DNAJC17: variants seen among roughly 807,000 people sequenced by gnomAD.
DNAJC17 encodes the protein DnaJ heat shock protein family (Hsp40) member C17, also known as dnaJ homolog subfamily C member 17.
In DNAJC17, 35 loss-of-function variants were observed where a neutral mutation model predicts 48.1. The ratio of observed to expected loss-of-function variants is 0.73; its 90% CI spans 0.56 to 0.96. The LOEUF (loss-of-function observed/expected upper bound fraction) is 0.96. DNAJC17 is among the 50% of genes least tolerant of loss of function. The pLI, the probability that DNAJC17 is intolerant of heterozygous loss-of-function variation, is 0.00. For synonymous variants in DNAJC17, 117 were observed against 142.7 expected, an observed-to-expected ratio of 0.82 and a Z score of 1.28; for missense variants, 355 against 377.1, an observed-to-expected ratio of 0.94 and a Z score of 0.48.
At chr15:40,801,398 C>T (rs28727420) in intron 1 of DNAJC17, among the ~76,000 whole-genome samples, 7,745 of 152,124 alleles carry the variant, frequency 0.051, 670 homozygotes, top group African/African-American at 0.18. Context: ...TAAAAGCAAC[C>T]CAGATTAGCA....
In DNAJC17 at chr15:40,770,833, C is replaced by G. The variant is rs1004542929; in HGVS notation, c.793-2771G>C. On this transcript the variant is annotated intron_variant, in intron 10 of 10. Transcript: ENST00000220496. The surrounding 1 kb of genome is among the most constrained non-coding windows in gnomAD (Gnocchi z 5.0). ...GCCTACTCTGCCACCCTGCCATCGG[C>G]GCTCTCTCTGTCGAGTGCCCTCCAC... is the stretch of plus-strand genomic sequence containing the variant. The G allele has an allele frequency of 5.8e-6, 9 of 1,551,320 alleles. No individual in the cohort carries two copies. Among genetic ancestry groups the G allele is most frequent in the Admixed American group, 2.0e-5 (1 of 51,012 alleles).
intron 1 of DNAJC17, among the ~76,000 whole-genome samples, chr15:40,794,849 CTG>C (rs1889907450): frequency 6.6e-6 from 1 of 151,944 alleles, no homozygotes; most frequent in Non-Finnish European, 1.5e-5. Flanking sequence ...TCCTGAGTAG[CTG>C]GGATTATAGG....
Position 40,770,750 on chromosome 15 carries a change from C to A in DNAJC17, c.793-2688G>T. 1 of 1,545,802 alleles carries A rather than the reference C, an allele frequency of 6.5e-7. No homozygotes were observed. ...TGGCCCCACCCAAGCCCCCACGCCT[C>A]TACCGAGAGAGCTCAAGCTGCCCCA... On this transcript the variant is annotated intron_variant, in intron 10 of 10. Coordinates refer to ENST00000220496, the MANE Select transcript of DNAJC17 (RefSeq NM_018163.3). The surrounding 1 kb of genome is among the most constrained non-coding windows in gnomAD (Gnocchi z 5.0).
chr15:40,789,017 T>C (rs149466160), intron 1 of DNAJC17, among the ~76,000 whole-genome samples: 148 of 152,238 alleles, frequency 9.7e-4, no homozygotes, highest in Non-Finnish European at 1.7e-3. Context: ...CTCCCAAGGC[T>C]TGGCACAAGC....
intron 1 of DNAJC17, among the ~76,000 whole-genome samples, chr15:40,794,694 C>T (rs996449199): frequency 6.6e-6 from 1 of 152,030 alleles, no homozygotes; most frequent in Non-Finnish European, 1.5e-5. Context: ...AAAATAAAAA[C>T]GGTTACTCTC....
rs545841512 is a variant in DNAJC17 at position 40,779,777 on chromosome 15, C to T, written c.148+151G>A. On this transcript the variant is annotated intron_variant, in intron 2 of 10. Coordinates refer to ENST00000220496, the MANE Select transcript of DNAJC17 (RefSeq NM_018163.3). ...AGCATATCAGCAACTGACCAGACAC[C>T]CCTCACAGGAGGGAAGCCCTGGGAC... is the stretch of plus-strand genomic sequence containing the variant. 1.6e-4 allele frequency: 176 copies of T among 1,098,470 alleles called. No homozygotes were observed. In the African/African-American group the frequency reaches 2.5e-3, roughly 16 times the overall value. The allele number at this position is 1,098,470 out of a possible 1,614,324, so 68.0% of individuals were successfully genotyped here. A position where few individuals can be genotyped will look rare whatever the true frequency, so the allele number is the denominator to read the frequency against.
rs561620947 is a variant in DNAJC17, at chr15:40,781,018, A to G, written c.79-1021T>C. 3.4e-5 allele frequency among the ~76,000 whole-genome samples: 5 copies of G among 149,238 alleles called. 1 individual carries two copies. The highest frequency in any genetic ancestry group is 1.2e-4 in the African/African-American group (5 of 40,362). On this transcript the variant is annotated intron_variant, in intron 1 of 10. Coordinates refer to ENST00000220496, the MANE Select transcript of DNAJC17 (RefSeq NM_018163.3). ...AAAAATTAGCTGGGTGTGATGACAT[A>G]TTCCCCTGTAATCCCCCTACTTGGG...
Position 40,770,632 on chromosome 15 carries a change from ACAGCAACCGAGAAGT to A in DNAJC17, c.793-2585_793-2571del. On this transcript the variant is annotated intron_variant, in intron 10 of 10. Transcript: ENST00000220496. The surrounding 1 kb of genome is among the most constrained non-coding windows in gnomAD (Gnocchi z 5.0). ...ACAGCAGGTGGGGACCACGAGGAGT[ACAGCAACCGAGAAGT>A]CATCCGGGAGCTACAAGGGAGGCCA... 3 of 1,550,468 alleles carry A rather than the reference ACAGCAACCGAGAAGT, an allele frequency of 1.9e-6. No individual in the cohort carries two copies. The highest frequency in any genetic ancestry group is 2.6e-6 in the Non-Finnish European group (3 of 1,146,956).
chr15:40,790,473 G>T (rs1261445324), intron 1 of DNAJC17, among the ~76,000 whole-genome samples: 1 of 152,156 alleles, frequency 6.6e-6, no homozygotes, highest in African/African-American at 2.4e-5. Context: ...CAGCTACTTG[G>T]GAAGCTGAGG....
chr15:40,769,612 G>T lies in DNAJC17; in HGVS notation c.793-1550C>A, dbSNP rs776457977. ...CTCGTGAGGGCCTGACAGCGGGGCT[G>T]AGTCACCCATACCAGCTACAGGTCT... On this transcript the variant is annotated intron_variant, in intron 10 of 10. Transcript: ENST00000220496. The surrounding 1 kb of genome is among the most constrained non-coding windows in gnomAD (Gnocchi z 4.2). 1.7e-4 allele frequency among the ~76,000 whole-genome samples: 26 copies of T among 152,218 alleles called. No homozygotes were observed. Among genetic ancestry groups the T allele is most frequent in the Non-Finnish European group, 3.7e-4 (25 of 68,040 alleles).
At chr15:40,776,146 C>A (rs768789272) in intron 6 of DNAJC17, 50 bp downstream of exon 6, 1 of 1,579,046 alleles carries the variant, frequency 6.3e-7, no homozygotes, top group Non-Finnish European at 8.7e-7. Context: ...CCGCTCTGAG[C>A]AATCTGGAGC....
intron 1 of DNAJC17, among the ~76,000 whole-genome samples, chr15:40,787,707 T>G (rs540654174): frequency 1.6e-4 from 24 of 152,238 alleles, no homozygotes; most frequent in African/African-American, 5.1e-4. Flanking sequence ...GGCTGGAAGC[T>G]GGGTCTCTAG....
At chr15:40,774,901 G>T in intron 8 of DNAJC17, 130 bp downstream of exon 8, 1 of 937,832 alleles carries the variant, frequency 1.1e-6, no homozygotes, top group Non-Finnish European at 1.6e-6. Flanking sequence ...ACGTCCCATG[G>T]TCTATGAGAC....
intron 1 of DNAJC17, among the ~76,000 whole-genome samples, chr15:40,804,846 A>C (rs764716714): frequency 3.3e-5 from 5 of 152,146 alleles, no homozygotes; most frequent in Non-Finnish European, 7.4e-5. Context: ...TGATAAAAAC[A>C]CAAAAATTAG....
intron 1 of DNAJC17, among the ~76,000 whole-genome samples, chr15:40,797,513 A>C (rs1445106312): frequency 1.3e-5 from 2 of 151,568 alleles, no homozygotes; most frequent in African/African-American, 2.4e-5. Context: ...TCTGGGTTCA[A>C]GCGATTCTCC....
rs901965817 is a variant in DNAJC17 at position 40,767,430 on chromosome 15, G to A, written c.*510C>T. 1.3e-5 allele frequency: 19 copies of A among 1,439,448 alleles called. No individual in the cohort carries two copies. In the East Asian group the frequency reaches 2.1e-4, roughly 16 times the overall value. The allele number at this position is 1,439,448 out of a possible 1,614,324, so 89.2% of individuals were successfully genotyped here. ...CTGACCTCCAAGCTCCTGCCTCACC[G>A]TCTGCCTTGCTCCTCTCTTCCCAAA... On this transcript the variant is annotated 3_prime_UTR_variant, in exon 11 of 11. Transcript: ENST00000220496.
chr15:40,794,965 C>T (rs1172299053), intron 1 of DNAJC17, among the ~76,000 whole-genome samples: 3 of 152,100 alleles, frequency 2.0e-5, no homozygotes, highest in African/African-American at 4.8e-5. Flanking sequence ...GTGAGCCCCC[C>T]GCCTCGGCCT....
chr15:40,800,671 C>A (rs1315683707), intron 1 of DNAJC17, among the ~76,000 whole-genome samples: 8 of 146,008 alleles, frequency 5.5e-5, no homozygotes, highest in Non-Finnish European at 1.0e-4. Context: ...AAAACCCATT[C>A]TTAGCACATA....
chr15:40,793,548 A>G (rs926918006), intron 1 of DNAJC17, among the ~76,000 whole-genome samples: 1 of 152,098 alleles, frequency 6.6e-6, no homozygotes, highest in Non-Finnish European at 1.5e-5. Flanking sequence ...CACTGCCTCA[A>G]TTGAGAATCA....
Sources: allele counts gnomAD v4.1 joint callset (sites outside exome capture counted in the v4.1 genomes callset), GRCh38; gene constraint gnomAD v4.1.1; non-coding constraint Gnocchi (gnomAD v3.1); transcripts MANE v1.5; gene names NCBI Gene and HGNC (gene_info 2026-07-23, HGNC 2026-07-21).